Variants in GRM5 observed in about 807,000 individuals in gnomAD.
GRM5 encodes glutamate metabotropic receptor 5.
GRM5 carries 19 observed loss-of-function variants against 83.1 expected under a neutral mutation model. The observed-to-expected ratio is 0.23, with a 90% CI of 0.16 to 0.34. GRM5 has a LOEUF of 0.34. GRM5 is among the 10% of genes least tolerant of loss of function. The pLI, the probability that GRM5 is intolerant of heterozygous loss-of-function variation, is 1.00. For synonymous variants in GRM5, 675 were observed against 633.6 expected (o/e 1.07, Z -0.98); for missense variants, 1,160 against 1,588.3 (o/e 0.73, Z 4.58).
intron 4 of GRM5, among the ~76,000 whole-genome samples, chr11:88,647,482 A>C (rs915041135): frequency 1.3e-5 from 2 of 152,024 alleles, no homozygotes; most frequent in Non-Finnish European, 2.9e-5. Context: ...GGGGGCTACA[A>C]GAGAGGCTCA....
At chr11:88,786,958 T>C (rs1943082031) in intron 3 of GRM5, among the ~76,000 whole-genome samples, 1 of 152,138 alleles carries the variant, frequency 6.6e-6, no homozygotes, top group African/African-American at 2.4e-5. Flanking sequence ...TTATTCAGAA[T>C]ACACAGTAAG....
At chr11:88,716,624 G>C (rs1311822859) in intron 3 of GRM5, among the ~76,000 whole-genome samples, 2 of 151,870 alleles carry the variant, frequency 1.3e-5, no homozygotes, top group Non-Finnish European at 2.9e-5. Context: ...AGTATTTCTT[G>C]AGCACCCACA....
intron 7 of GRM5, among the ~76,000 whole-genome samples, chr11:88,578,477 G>C (rs568204883): frequency 5.3e-4 from 80 of 152,272 alleles, no homozygotes; most frequent in Middle Eastern, 3.4e-3. Flanking sequence ...CAATGCCATT[G>C]TTTTGGTCAG....
At chr11:88,844,462 G>A (rs1944263999) in intron 3 of GRM5, among the ~76,000 whole-genome samples, 2 of 152,004 alleles carry the variant, frequency 1.3e-5, no homozygotes, top group Non-Finnish European at 2.9e-5. Flanking sequence ...CAGCCAGGAG[G>A]TCTGATGGAG....
chr11:88,523,579 A>G (rs777510730), intron 9 of GRM5, among the ~76,000 whole-genome samples: 1 of 152,188 alleles, frequency 6.6e-6, no homozygotes, highest in Non-Finnish European at 1.5e-5. Flanking sequence ...AGCTGTATAA[A>G]GGGATTGTAG....
chr11:88,571,206 T>C (rs980729965), intron 7 of GRM5, among the ~76,000 whole-genome samples: 4 of 152,222 alleles, frequency 2.6e-5, no homozygotes, highest in African/African-American at 4.8e-5. Flanking sequence ...GATATATTTT[T>C]GAACTCTTCA....
chr11:89,059,162 T>C (rs1941938262), intron 1 of GRM5, among the ~76,000 whole-genome samples: 1 of 152,164 alleles, frequency 6.6e-6, no homozygotes, highest in Non-Finnish European at 1.5e-5. Flanking sequence ...TGAACCAGCA[T>C]TATTGTGAAC....
chr11:88,825,665 A>G (rs1389397978), intron 3 of GRM5, among the ~76,000 whole-genome samples: 1 of 152,222 alleles, frequency 6.6e-6, no homozygotes, highest in Non-Finnish European at 1.5e-5. Flanking sequence ...ATCTCTCAAA[A>G]TATGAAAGTG....
intron 3 of GRM5, among the ~76,000 whole-genome samples, chr11:88,744,057 T>C (rs1942083083): frequency 6.6e-6 from 1 of 152,084 alleles, no homozygotes; most frequent in South Asian, 2.1e-4. Context: ...ACTAGTAAGG[T>C]TCCATCCTAT....
At chr11:88,747,529 C>CACACTGTGTATCTAGAAGATAGAT (rs1942168831) in intron 3 of GRM5, among the ~76,000 whole-genome samples, 1 of 152,084 alleles carries the variant, frequency 6.6e-6, no homozygotes, top group African/African-American at 2.4e-5. Context: ...ATGATAGATA[C>CACACTGTGTATCTAGAAGATAGAT]ACACAGTAAA....
chr11:88,729,720 C>T (rs1941764977), intron 3 of GRM5, among the ~76,000 whole-genome samples: 1 of 152,100 alleles, frequency 6.6e-6, no homozygotes, highest in Non-Finnish European at 1.5e-5. Flanking sequence ...GAAATAACAT[C>T]ACACATCTAC....
chr11:88,934,829 T>C (rs1338232968), intron 2 of GRM5, among the ~76,000 whole-genome samples: 2 of 151,802 alleles, frequency 1.3e-5, no homozygotes, highest in Non-Finnish European at 2.9e-5. Flanking sequence ...CAGGCAAATG[T>C]TTTTCTTTTA....
intron 4 of GRM5, among the ~76,000 whole-genome samples, chr11:88,627,012 T>G (rs1938816845): frequency 6.6e-6 from 1 of 152,250 alleles, no homozygotes; most frequent in East Asian, 1.9e-4. Context: ...CAATGTTATT[T>G]TCTTATGGCA....
chr11:88,508,558 C>G lies in GRM5; in HGVS notation c.*34G>C. 1 of 1,568,736 alleles carries G rather than the reference C, an allele frequency of 6.4e-7. No homozygotes were observed. Among genetic ancestry groups the G allele is most frequent in the African/African-American group, 1.4e-5 (1 of 72,884 alleles). On this transcript the variant is annotated 3_prime_UTR_variant, in exon 10 of 10. Transcript: ENST00000305447. The surrounding 1 kb of genome is among the most constrained non-coding windows in gnomAD (Gnocchi z 4.2). ...TGTGTGAACACGGGGGGCTCCGCTCCGCACGCGCAGGCCGGCGTGCTTTCC... is the reference window on the plus strand; with the variant it reads ...TGTGTGAACACGGGGGGCTCCGCTCGGCACGCGCAGGCCGGCGTGCTTTCC...
chr11:89,058,646 T>C (rs1941925509), intron 1 of GRM5, among the ~76,000 whole-genome samples: 1 of 152,208 alleles, frequency 6.6e-6, no homozygotes, highest in Non-Finnish European at 1.5e-5. Context: ...GTTATTTGTC[T>C]GTATTATCTT....
chr11:88,515,872 T>C (rs1462908112), intron 9 of GRM5, among the ~76,000 whole-genome samples: 1 of 152,218 alleles, frequency 6.6e-6, no homozygotes, highest in Admixed American at 6.5e-5. Flanking sequence ...ATTTAAACCT[T>C]GAATAAAACA....
intron 4 of GRM5, among the ~76,000 whole-genome samples, chr11:88,609,078 A>C (rs1279076015): frequency 1.3e-5 from 2 of 151,994 alleles, no homozygotes; most frequent in Non-Finnish European, 2.9e-5. Flanking sequence ...TTGGTGTATA[A>C]ATGATCCTGT....
At chr11:88,920,436 A>T in intron 2 of GRM5, among the ~76,000 whole-genome samples, 1 of 73,794 alleles carries the variant, frequency 1.4e-5, no homozygotes, top group Admixed American at 1.5e-4. Context: ...AAACCAAAAA[A>T]AAAAAAACCT....
chr11:88,934,358 C>T (rs1228793241), intron 2 of GRM5, among the ~76,000 whole-genome samples: 1 of 151,832 alleles, frequency 6.6e-6, no homozygotes, highest in African/African-American at 2.4e-5. Context: ...CTAAGTATTG[C>T]ACATCTTTAG....
Sources: allele counts gnomAD v4.1 joint callset (sites outside exome capture counted in the v4.1 genomes callset), GRCh38; gene constraint gnomAD v4.1.1; non-coding constraint Gnocchi (gnomAD v3.1); transcripts MANE v1.5; gene names NCBI Gene and HGNC (gene_info 2026-07-23, HGNC 2026-07-21).